Variants in IGSF9B observed in about 807,000 individuals in gnomAD.
IGSF9B encodes immunoglobulin superfamily member 9B, also known as protein turtle homolog B.
In IGSF9B, 48 loss-of-function variants were observed where a neutral mutation model predicts 143.7. The observed-to-expected ratio is 0.33, with a 90% CI of 0.26 to 0.42. The LOEUF is 0.42. IGSF9B is among the 20% of genes least tolerant of loss of function. The probability of loss-of-function intolerance (pLI) is 1.00; values close to 1 mark genes in which losing one functional copy is unlikely to be tolerated. For missense variants in IGSF9B, 1,706 were observed against 1,980.0 expected, an observed-to-expected ratio of 0.86 and a Z score of 2.63; for synonymous variants, 903 against 833.1, an observed-to-expected ratio of 1.08 and a Z score of -1.44.
At chr11:133,938,430 T>C (rs917344003) in intron 3 of IGSF9B, among the ~76,000 whole-genome samples, 4 of 152,174 alleles carry the variant, frequency 2.6e-5, no homozygotes, top group African/African-American at 9.7e-5. Flanking sequence ...GGAACCTCAT[T>C]TTCCCAGATT....
chr11:133,946,321 C>T (rs1416593527), intron 1 of IGSF9B, 63 bp from the exon 2 acceptor site: 3 of 1,453,428 alleles, frequency 2.1e-6, no homozygotes, highest in African/African-American at 2.8e-5. Context: ...CCCCAGCAGC[C>T]CCATGTCCGT....
In IGSF9B at chr11:133,953,350, C is replaced by G. The variant is rs966839510; in HGVS notation, c.64+3341G>C. Among the ~76,000 whole-genome samples the G allele has an allele frequency of 6.6e-6, 1 of 152,184 alleles. No individual in the cohort carries two copies. The highest frequency in any genetic ancestry group is 1.5e-5 in the Non-Finnish European group (1 of 68,030). On this transcript the variant is annotated intron_variant, in intron 1 of 19. Coordinates refer to ENST00000533871, the MANE Select transcript of IGSF9B (RefSeq NM_001277285.4). This position sits in a 1 kb window ranked among gnomAD's most constrained non-coding sequence, Gnocchi z 4.2. ...CTCAGCCAAGCCCTTCTCACATCCC[C>G]GTCTCCCCAGCTTCCCACAGGGCAC...
rs1939659719 is a variant in IGSF9B at position 133,928,045 on chromosome 11, GCGAGGAGCC to G, written c.1632-963_1632-955del. Among the ~76,000 whole-genome samples the G allele has an allele frequency of 6.6e-6, 1 of 152,204 alleles. No homozygotes were observed. ...CTTCCCTGGCCCAGGCAACAAAGCA[GCGAGGAGCC>G]ACGTGTGGAAAAGCAGTGCAGATGA... On this transcript the variant is annotated intron_variant, in intron 12 of 19. Transcript: ENST00000533871. This position sits in a 1 kb window ranked among gnomAD's most constrained non-coding sequence, Gnocchi z 4.7.
chr11:133,921,480 C>CCCAG lies in IGSF9B; in HGVS notation c.2328-87_2328-84dup, dbSNP rs1939537762. On this transcript the variant is annotated intron_variant, in intron 17 of 19. Coordinates refer to ENST00000533871, the MANE Select transcript of IGSF9B (RefSeq NM_001277285.4). ...CTTCCTTTCCCTCTCTCGGCAACCA[C>CCCAG]CCAGCACCCAGGATCCTCACGCTCA... is the stretch of plus-strand genomic sequence containing the variant. 3 of 1,064,440 alleles carry CCCAG rather than the reference C, an allele frequency of 2.8e-6. No individual in the cohort carries two copies. In the African/African-American group the frequency reaches 4.8e-5, roughly 17 times the overall value. The allele number at this position is 1,064,440 out of a possible 1,614,324, so 65.9% of individuals were successfully genotyped here.
chr11:133,926,884 C>T, intron 13 of IGSF9B, 32 bp downstream of exon 13: 1 of 1,540,734 alleles, frequency 6.5e-7, no homozygotes, highest in Non-Finnish European at 8.8e-7. Context: ...CTCTACAACC[C>T]CCGCTCCCAA....
intron 12 of IGSF9B, among the ~76,000 whole-genome samples, chr11:133,927,367 A>T (rs1330657319): frequency 6.6e-6 from 1 of 152,230 alleles, no homozygotes; most frequent in Non-Finnish European, 1.5e-5. Context: ...CAGATGGATT[A>T]CCAGCTGCAT....
Position 133,927,021 on chromosome 11 carries a change from G to A in IGSF9B, c.1702C>T (p.Leu568=). Residue 568 remains leucine, a synonymous_variant, in exon 13 of 20, where the codon CTG becomes TTG. Transcript: ENST00000533871. ...LPVPPGPSWL[L]VDTLEPETAY... ...GTCTCAGGCTCCAGGGTGTCCACCA[G>A]CAGCCAGCTGGGTCCTGGCGGCACT... 1 of 1,571,878 alleles carries A rather than the reference G, an allele frequency of 6.4e-7. No homozygotes were observed. Among genetic ancestry groups the A allele is most frequent in the Non-Finnish European group, 8.6e-7 (1 of 1,158,938 alleles).
intron 18 of IGSF9B, among the ~76,000 whole-genome samples, chr11:133,917,120 GT>G (rs1305774184): frequency 6.6e-6 from 1 of 152,202 alleles, no homozygotes; most frequent in East Asian, 1.9e-4. Context: ...GAAGGCACCT[GT>G]CTCCTTCTCG....
rs147754323 is a variant in IGSF9B at position 133,916,417 on chromosome 11, A to G, written c.3983+3325T>C. On this transcript the variant is annotated intron_variant, in intron 18 of 19. Coordinates refer to ENST00000533871, the MANE Select transcript of IGSF9B (RefSeq NM_001277285.4). Reference sequence around the variant, plus strand: ...TCCAAGCAAGACCAAGAGGGCACACATGCAAAGGTGCAGCATGGAGACAGC... The same window carrying G: ...TCCAAGCAAGACCAAGAGGGCACACGTGCAAAGGTGCAGCATGGAGACAGC... Among the ~76,000 whole-genome samples, 231 of 152,332 alleles carry G rather than the reference A, an allele frequency of 1.5e-3. 2 individuals carry two copies. Among genetic ancestry groups the G allele is most frequent in the African/African-American group, 5.3e-3 (220 of 41,580 alleles).
chr11:133,916,678 G>C (rs998674510), intron 18 of IGSF9B, among the ~76,000 whole-genome samples: 18 of 152,204 alleles, frequency 1.2e-4, no homozygotes, highest in Non-Finnish European at 5.9e-5. Context: ...CTGGCACAGT[G>C]GGGACACTGG....
At chr11:133,929,877 C>T (rs1261875832) in intron 11 of IGSF9B, 95 bp from the exon 12 acceptor site, 17 of 772,554 alleles carry the variant, frequency 2.2e-5, no homozygotes, top group Middle Eastern at 2.9e-4. Context: ...GAGGCTGAAG[C>T]GCATGGCAGC....
At chr11:133,927,555 T>TC in intron 12 of IGSF9B, among the ~76,000 whole-genome samples, 1 of 152,184 alleles carries the variant, frequency 6.6e-6, no homozygotes, top group East Asian at 1.9e-4. Context: ...CCCACAGGGC[T>TC]CATTCATCCA....
intron 19 of IGSF9B, among the ~76,000 whole-genome samples, chr11:133,911,550 A>C (rs1347229753): frequency 6.6e-6 from 1 of 152,206 alleles, no homozygotes; most frequent in Non-Finnish European, 1.5e-5. Flanking sequence ...AATAGGATAC[A>C]TTTTCTGAAG....
intron 3 of IGSF9B, among the ~76,000 whole-genome samples, chr11:133,942,115 T>C (rs145195202): frequency 1.7e-4 from 26 of 152,332 alleles, no homozygotes; most frequent in African/African-American, 6.3e-4. Flanking sequence ...CCTTCCGGCC[T>C]GATATCCCTG....
intron 15 of IGSF9B, among the ~76,000 whole-genome samples, chr11:133,923,314 T>C (rs1939574589): frequency 6.6e-6 from 1 of 152,150 alleles, no homozygotes; most frequent in Non-Finnish European, 1.5e-5. Flanking sequence ...TACTACAAAA[T>C]TCAGATCCTC....
Position 133,946,250 on chromosome 11 carries a change from C to T in IGSF9B, c.73G>A (p.Gly25Ser), listed in dbSNP as rs763227181. Reference sequence around the variant, plus strand: ...ACAAACTCGGGCTCCTCTCGCAGGCCGTGGGCGCCTGATGGGGACGGCCAG... The same window carrying T: ...ACAAACTCGGGCTCCTCTCGCAGGCTGTGGGCGCCTGATGGGGACGGCCAG... ...TRGLAAEGAH[G>S]LREEPEFVTA... Residue 25 changes from glycine (G) to serine (S), a missense_variant, in exon 2 of 20, where the codon GGC becomes AGC. This residue lies in a region of IGSF9B where 171 missense variants were observed against 213.9 expected (regional missense o/e 0.80). Transcript: ENST00000533871. 15 of 1,613,304 alleles carry T rather than the reference C, an allele frequency of 9.3e-6. No homozygotes were observed. Among genetic ancestry groups the T allele is most frequent in the Middle Eastern group, 3.3e-4 (2 of 6,058 alleles).
Position 133,927,112 on chromosome 11 carries a change from G to A in IGSF9B, c.1632-21C>T, listed in dbSNP as rs766817874. On this transcript the variant is annotated intron_variant, in intron 12 of 19. Transcript: ENST00000533871. ...TCATCCTGGCCAAAAGAGAGAGACA[G>A]GATAGGGGACGAGGGGCGGGGTGGG... is the stretch of plus-strand genomic sequence containing the variant. 15 of 1,534,254 alleles carry A rather than the reference G, an allele frequency of 9.8e-6. No individual in the cohort carries two copies. In the South Asian group the frequency reaches 1.6e-4, roughly 16 times the overall value.
chr11:133,912,067 G>C, intron 18 of IGSF9B, 60 bp from the exon 19 acceptor site: 2 of 1,478,182 alleles, frequency 1.4e-6, no homozygotes, highest in Non-Finnish European at 1.8e-6. Flanking sequence ...CTTTGGAAGA[G>C]GGGCTGGAAG....
At chr11:133,921,700 G>C (rs949031586) in intron 17 of IGSF9B, among the ~76,000 whole-genome samples, 13 of 151,372 alleles carry the variant, frequency 8.6e-5, no homozygotes, top group Admixed American at 6.6e-4. Context: ...GCCGCGCCCG[G>C]CCCCCCCCAT....
Sources: gnomAD v4.1 joint callset for allele counts (sites outside exome capture counted in the v4.1 genomes callset) on GRCh38, gnomAD v4.1.1 for gene constraint, gnomAD v4.1.1 regional missense constraint, Gnocchi (gnomAD v3.1) non-coding constraint, MANE v1.5 for transcripts, NCBI Gene and HGNC (gene_info 2026-07-23, HGNC 2026-07-21) for gene names.